RNF41: variants seen among roughly 807,000 people sequenced by gnomAD.
RNF41 encodes E3 ubiquitin-protein ligase NRDP1.
RNF41 carries 4 observed loss-of-function variants against 33.0 expected under a neutral mutation model. The observed-to-expected ratio is 0.12, with a 90% CI of 0.06 to 0.28. The LOEUF is 0.28. RNF41 is among the 10% of genes least tolerant of loss of function. RNF41 has a pLI of 1.00. For missense variants in RNF41, 228 were observed against 432.6 expected, an observed-to-expected ratio of 0.53 and a Z score of 4.19; for synonymous variants, 164 against 153.2, an observed-to-expected ratio of 1.07 and a Z score of -0.52.
chr12:56,211,677 A>T (rs1162941063), intron 3 of RNF41, among the ~76,000 whole-genome samples: 1 of 152,138 alleles, frequency 6.6e-6, no homozygotes, highest in Non-Finnish European at 1.5e-5. Context: ...CAAAAATTCA[A>T]TGTAAGAAAG....
intron 2 of RNF41, among the ~76,000 whole-genome samples, chr12:56,214,789 AC>A (rs1278695572): frequency 5.3e-5 from 8 of 152,172 alleles, no homozygotes; most frequent in African/African-American, 1.7e-4. Flanking sequence ...AGATTGCACC[AC>A]AGCTCTCTAG....
At chr12:56,207,843 G>C in intron 5 of RNF41, 94 bp from the exon 6 acceptor site, 1 of 989,028 alleles carries the variant, frequency 1.0e-6, no homozygotes, top group Non-Finnish European at 1.6e-6. Context: ...TGAGAGATCT[G>C]AAGAACAACC....
At chr12:56,212,689 G>A (rs1433183241) in intron 3 of RNF41, among the ~76,000 whole-genome samples, 1 of 152,102 alleles carries the variant, frequency 6.6e-6, no homozygotes. Flanking sequence ...CAGGTCCAGA[G>A]TTGGTTGCCA....
At chr12:56,207,924 G>A (rs1035891416) in intron 5 of RNF41, among the ~76,000 whole-genome samples, 175 bp from the exon 6 acceptor site, 1 of 152,200 alleles carries the variant, frequency 6.6e-6, no homozygotes, top group African/African-American at 2.4e-5. Context: ...ACTTACAAAT[G>A]TGCCTTCACA....
chr12:56,210,587 C>A lies in RNF41; in HGVS notation c.91-19G>T. ...GAGGTGCCTAGAAGAGAGAACAAGG[C>A]AAAAGGGGCGCAAGGGAATTAGCAG... On this transcript the variant is annotated intron_variant, in intron 3 of 6. Coordinates refer to ENST00000345093, the MANE Select transcript of RNF41 (RefSeq NM_005785.4). 1 of 1,606,510 alleles carries A rather than the reference C, an allele frequency of 6.2e-7. No homozygotes were observed. Among genetic ancestry groups the A allele is most frequent in the Non-Finnish European group, 8.5e-7 (1 of 1,178,636 alleles).
chr12:56,206,710 G>C lies in RNF41; in HGVS notation c.691C>G (p.Arg231Gly). The part of the protein sequence containing the change: ...PDAVLQAVIK[R>G]SLVESGCPAS... ...GGACAGCCACTCTCCACCAGGGAGC[G>C]CTTGATTACAGCCTGGAGCACAGCA... The change falls in exon 7 of 7, where the codon CGC becomes GGC. Residue 231 changes from arginine (R) to glycine (G), a missense_variant. Arg to Gly is a moderately radical substitution (Grantham distance 125). Transcript: ENST00000345093. The surrounding 1 kb of genome is among the most constrained non-coding windows in gnomAD (Gnocchi z 5.7). The C allele has an allele frequency of 6.2e-7, 1 of 1,614,078 alleles. No individual in the cohort carries two copies. The highest frequency in any genetic ancestry group is 8.5e-7 in the Non-Finnish European group (1 of 1,179,988).
chr12:56,214,647 G>A (rs1868734338), intron 2 of RNF41, among the ~76,000 whole-genome samples: 1 of 151,916 alleles, frequency 6.6e-6, no homozygotes. Context: ...TGGCCAACAT[G>A]ATGAAAACCC....
intron 4 of RNF41, among the ~76,000 whole-genome samples, chr12:56,209,493 T>C (rs1868349794): frequency 6.6e-6 from 1 of 150,850 alleles, no homozygotes. Flanking sequence ...AGTCTCGCTC[T>C]GTTGCCCAGG....
At position 56,202,538 on chromosome 12, in the gene RNF41, G is replaced by GT. The variant is rs1389280870; in HGVS notation, c.*3908dup. On this transcript the variant is annotated 3_prime_UTR_variant, in exon 7 of 7. Transcript: ENST00000345093. ...GTGGGCATAACTGTATTCCAATAAA[G>GT]TTTTTTACAAAAGCAGGCAGTGGGG... 6.6e-6 allele frequency: 1 copy of GT among 152,162 alleles called. No individual in the cohort carries two copies. The highest frequency in any genetic ancestry group is 1.5e-5 in the Non-Finnish European group (1 of 68,020). 9.4% of individuals were successfully genotyped at this position (152,162 alleles called of 1,614,324 possible). A position where few individuals can be genotyped will look rare whatever the true frequency, so the allele number is the denominator to read the frequency against.
Position 56,206,233 on chromosome 12 carries a change from T to C in RNF41, c.*214A>G, listed in dbSNP as rs531339646. ...ACCCAGACTGATAATTTATAGACAT[T>C]TTAGGGGAATATGGCAAAGGGAGGA... is the stretch of plus-strand genomic sequence containing the variant. On this transcript the variant is annotated 3_prime_UTR_variant, in exon 7 of 7. Transcript: ENST00000345093. The surrounding 1 kb of genome is among the most constrained non-coding windows in gnomAD (Gnocchi z 5.7). 1.5e-5 allele frequency: 8 copies of C among 550,094 alleles called. No individual in the cohort carries two copies. The East Asian group carries it at 2.1e-4, about 14-fold the overall frequency. 34.1% of individuals were successfully genotyped at this position (550,094 alleles called of 1,614,324 possible).
chr12:56,214,277 T>G (rs1404615083), intron 2 of RNF41, among the ~76,000 whole-genome samples: 1 of 152,082 alleles, frequency 6.6e-6, no homozygotes, highest in Non-Finnish European at 1.5e-5. Context: ...TCCCAACACT[T>G]TGGGAGGCCG....
At chr12:56,211,035 A>G (rs1296857848) in intron 3 of RNF41, among the ~76,000 whole-genome samples, 1 of 152,216 alleles carries the variant, frequency 6.6e-6, no homozygotes, top group Non-Finnish European at 1.5e-5. Context: ...AAATAAAAAA[A>G]TTAGCCAGGG....
intron 3 of RNF41, among the ~76,000 whole-genome samples, chr12:56,212,439 C>T (rs966232022): frequency 1.3e-5 from 2 of 152,164 alleles, no homozygotes; most frequent in African/African-American, 4.8e-5. Flanking sequence ...CTCTGCTCCT[C>T]AGAAGATAAA....
At chr12:56,207,855 G>C (rs1450239190) in intron 5 of RNF41, 106 bp from the exon 6 acceptor site, 1 of 922,450 alleles carries the variant, frequency 1.1e-6, no homozygotes, top group Non-Finnish European at 1.8e-6. Flanking sequence ...AGAACAACCA[G>C]TTTGTAAGCT....
Position 56,207,753 on chromosome 12 carries a change from T to C in RNF41, c.499-4A>G. 2 of 1,611,378 alleles carry C rather than the reference T, an allele frequency of 1.2e-6. No homozygotes were observed. The highest frequency in any genetic ancestry group is 1.7e-6 in the Non-Finnish European group (2 of 1,177,544). On this transcript the variant is annotated splice_region_variant and splice_polypyrimidine_tract_variant and intron_variant, in intron 5 of 6. Coordinates refer to ENST00000345093, the MANE Select transcript of RNF41 (RefSeq NM_005785.4). ...TTAGCAGCTGGATGTCTCGCTTCTG[T>C]TGTGGGGAAGAAGAACAGGAATAAT...
rs1868274063 is a variant in RNF41, at chr12:56,206,769, A to T, written c.632T>A (p.Val211Glu). 1 of 1,613,524 alleles carries T rather than the reference A, an allele frequency of 6.2e-7. No individual in the cohort carries two copies. The highest frequency in any genetic ancestry group is 1.3e-5 in the African/African-American group (1 of 74,804). Residue 211 changes from valine to glutamate, a missense_variant, in exon 7 of 7, where the codon GTG becomes GAG. By Grantham distance (121) the Val-to-Glu change is moderately radical (BLOSUM62 -2). This residue lies in a region of RNF41 where 199 missense variants were observed against 334.6 expected (regional missense o/e 0.59). Transcript: ENST00000345093. The surrounding 1 kb of genome is among the most constrained non-coding windows in gnomAD (Gnocchi z 5.7). ...CGAGATCATCCCTCCCCAGCGGGTC[A>T]CTCTTGCTGGCTGAAGGGAGTTCAC... ...EWVNSLQPAR[V>E]TRWGGMISTP...
intron 2 of RNF41, 117 bp from the exon 3 acceptor site, chr12:56,214,187 C>T (rs1868686955): frequency 1.5e-6 from 1 of 680,524 alleles, no homozygotes. Flanking sequence ...TGGGAGTCTA[C>T]TATGCAGCAG....
chr12:56,213,810 C>T, intron 3 of RNF41, 148 bp downstream of exon 3: 1 of 661,628 alleles, frequency 1.5e-6, no homozygotes, highest in Non-Finnish European at 2.7e-6. Context: ...CTTGTAGTCA[C>T]CATTACTCCT....
intron 4 of RNF41, 56 bp from the exon 5 acceptor site, chr12:56,208,354 C>T (rs1414902436): frequency 2.5e-6 from 4 of 1,593,634 alleles, no homozygotes; most frequent in Non-Finnish European, 3.4e-6. Context: ...GACATGTATG[C>T]AAATGGCCTA....
Sources: gnomAD v4.1 joint callset for allele counts (sites outside exome capture counted in the v4.1 genomes callset) on GRCh38, gnomAD v4.1.1 for gene constraint, gnomAD v4.1.1 regional missense constraint, Gnocchi (gnomAD v3.1) non-coding constraint, MANE v1.5 for transcripts, NCBI Gene and HGNC (gene_info 2026-07-23, HGNC 2026-07-21) for gene names.